The following IGF2BP3 variants were observed in gnomAD, a reference collection of about 807,000 sequenced individuals.
IGF2BP3 encodes insulin like growth factor 2 mRNA binding protein 3.
In IGF2BP3, 9 loss-of-function variants were observed where a neutral mutation model predicts 73.8. The ratio of observed to expected loss-of-function variants is 0.12; its 90% CI spans 0.07 to 0.21. The LOEUF (loss-of-function observed/expected upper bound fraction) is 0.21, where lower values mean the gene tolerates loss of function less well. IGF2BP3 is among the 10% of genes least tolerant of loss of function. The pLI is 1.00. For synonymous variants in IGF2BP3, 258 were observed against 256.7 expected, an observed-to-expected ratio of 1.01 and a Z score of -0.05; for missense variants, 542 against 714.0, an observed-to-expected ratio of 0.76 and a Z score of 2.75.
At chr7:23,379,515 A>T in intron 3 of IGF2BP3, among the ~76,000 whole-genome samples, 1 of 152,176 alleles carries the variant, frequency 6.6e-6, no homozygotes, top group East Asian at 1.9e-4. Context: ...ATTCTCAAGT[A>T]ATTTTAAAGG....
chr7:23,364,323 G>A (rs1163623118), intron 3 of IGF2BP3, among the ~76,000 whole-genome samples: 2 of 151,782 alleles, frequency 1.3e-5, no homozygotes, highest in Non-Finnish European at 2.9e-5. Context: ...GCAGTGGGCT[G>A]AGATCGTGCC....
At chr7:23,428,053 G>GT (rs1211054196) in intron 2 of IGF2BP3, among the ~76,000 whole-genome samples, 3 of 151,984 alleles carry the variant, frequency 2.0e-5, no homozygotes, top group African/African-American at 7.2e-5. Context: ...GCACGCACCT[G>GT]TAATCCCAGC....
At chr7:23,340,020 T>C (rs1784668123) in intron 10 of IGF2BP3, among the ~76,000 whole-genome samples, 4 of 152,160 alleles carry the variant, frequency 2.6e-5, no homozygotes, top group South Asian at 4.1e-4. Flanking sequence ...TAGACACAAT[T>C]CTTATAGTTC....
At chr7:23,427,254 C>CA (rs1214878098) in intron 2 of IGF2BP3, among the ~76,000 whole-genome samples, 2 of 151,942 alleles carry the variant, frequency 1.3e-5, no homozygotes, top group African/African-American at 4.8e-5. Flanking sequence ...CAGGAAGCTC[C>CA]AATTTTTCAG....
intron 3 of IGF2BP3, chr7:23,413,411 G>T (rs1347745473): frequency 1.3e-5 from 2 of 152,044 alleles, no homozygotes; most frequent in African/African-American, 2.4e-5. Context: ...AACCCAGGAG[G>T]CGGAGGTTGC....
chr7:23,376,574 A>G (rs958546025), intron 3 of IGF2BP3, among the ~76,000 whole-genome samples: 1 of 149,396 alleles, frequency 6.7e-6, no homozygotes, highest in African/African-American at 2.4e-5. Flanking sequence ...AAAGAAAGAA[A>G]AAGCCTTGAG....
chr7:23,391,508 G>C (rs1786277593), intron 3 of IGF2BP3, among the ~76,000 whole-genome samples: 1 of 152,124 alleles, frequency 6.6e-6, no homozygotes, highest in Non-Finnish European at 1.5e-5. Context: ...CAGCTGTAAT[G>C]GGTTTAGACA....
rs1484420540 is a variant in IGF2BP3 at position 23,343,628 on chromosome 7, T to C, written c.1077+90A>G. The stretch of plus-strand genomic sequence containing the variant: ...CAACTAGAACTACTTCTAGTGATAA[T>C]GCCACAAAAGAATTCAATATTAATG... On this transcript the variant is annotated intron_variant, in intron 9 of 14. Coordinates refer to ENST00000258729, the MANE Select transcript of IGF2BP3 (RefSeq NM_006547.3). 3 of 1,264,918 alleles carry C rather than the reference T, an allele frequency of 2.4e-6. No individual in the cohort carries two copies. The East Asian group carries it at 6.9e-5, about 29-fold the overall frequency. The allele number at this position is 1,264,918 out of a possible 1,614,324, so 78.4% of individuals were successfully genotyped here.
In IGF2BP3 at chr7:23,357,850, G is replaced by GT. The variant is rs142658495; in HGVS notation, c.401+3683dup. ...TAAGTTCTGTCTTAAAGATACAGCC[G>GT]TATTTGAGGACTCTTCTTAAGTGAC... On this transcript the variant is annotated intron_variant, in intron 5 of 14. Coordinates refer to ENST00000258729, the MANE Select transcript of IGF2BP3 (RefSeq NM_006547.3). Among the ~76,000 whole-genome samples, 564 of 152,290 alleles carry GT rather than the reference G, an allele frequency of 3.7e-3. 14 individuals are homozygous for GT. The East Asian group carries it at 0.069, about 19-fold the overall frequency.
At chr7:23,363,703 A>G (rs1412427374) in intron 3 of IGF2BP3, among the ~76,000 whole-genome samples, 1 of 152,190 alleles carries the variant, frequency 6.6e-6, no homozygotes, top group Non-Finnish European at 1.5e-5. Context: ...TTTGTCTCTG[A>G]TTATAGCTAT....
At chr7:23,433,194 C>T (rs774937108) in intron 2 of IGF2BP3, among the ~76,000 whole-genome samples, 1 of 152,158 alleles carries the variant, frequency 6.6e-6, no homozygotes, top group Non-Finnish European at 1.5e-5. Flanking sequence ...TATTCCCATA[C>T]TTTTCCATAG....
Position 23,430,826 on chromosome 7 carries a change from T to C in IGF2BP3, c.237-12002A>G, listed in dbSNP as rs142258211. Among the ~76,000 whole-genome samples the C allele has an allele frequency of 5.2e-4, 79 of 152,288 alleles. No individual in the cohort carries two copies. The East Asian group carries it at 0.014, about 28-fold the overall frequency. ...ATCTTTCTTACATCATTTCCTTAGG[T>C]AAAGTTGTAACACGCTCAAAGGCTT... On this transcript the variant is annotated intron_variant, in intron 2 of 14. Transcript: ENST00000258729.
intron 2 of IGF2BP3, among the ~76,000 whole-genome samples, chr7:23,467,152 T>C (rs1788584134): frequency 6.6e-6 from 1 of 152,178 alleles, no homozygotes; most frequent in South Asian, 2.1e-4. Flanking sequence ...CTCAAATCCC[T>C]TTCAATTATC....
At chr7:23,418,864 T>A (rs1282946085) in intron 2 of IGF2BP3, 40 bp from the exon 3 acceptor site, 3 of 1,378,758 alleles carry the variant, frequency 2.2e-6, no homozygotes, top group Admixed American at 2.0e-5. Context: ...GAAAAAAACA[T>A]AAAAGCAAAA....
At chr7:23,438,534 C>CT (rs1448544489) in intron 2 of IGF2BP3, among the ~76,000 whole-genome samples, 1 of 128,448 alleles carries the variant, frequency 7.8e-6, no homozygotes, top group Non-Finnish European at 1.7e-5. Flanking sequence ...AGTACACTAA[C>CT]TGACAAAAGA....
chr7:23,321,490 T>C (rs1227960795), intron 10 of IGF2BP3, among the ~76,000 whole-genome samples: 8 of 152,118 alleles, frequency 5.3e-5, no homozygotes, highest in Non-Finnish European at 1.2e-4. Flanking sequence ...GCAGCGAGGC[T>C]GGGGGAGGGG....
In IGF2BP3 at chr7:23,470,279, G is replaced by C. The variant is rs980399458; in HGVS notation, c.-169C>G. 1.5e-5 allele frequency: 8 copies of C among 519,872 alleles called. No individual in the cohort carries two copies. Among genetic ancestry groups the C allele is most frequent in the African/African-American group, 9.8e-5 (5 of 51,220 alleles). The allele number at this position is 519,872 out of a possible 1,614,324, so 32.2% of individuals were successfully genotyped here. On this transcript the variant is annotated 5_prime_UTR_variant, in exon 1 of 15. Coordinates refer to ENST00000258729, the MANE Select transcript of IGF2BP3 (RefSeq NM_006547.3). ...GAACGAGGAGTGAAAAATCAGATCC[G>C]AGGCTTGTTTTTTCCTTGTCTAGAT...
At chr7:23,352,265 TTCTC>T (rs1363219291) in intron 5 of IGF2BP3, among the ~76,000 whole-genome samples, 6 of 150,344 alleles carry the variant, frequency 4.0e-5, no homozygotes, top group African/African-American at 9.8e-5. Context: ...GGGGGAGAGT[TTCTC>T]TCTTTTTCAT....
intron 2 of IGF2BP3, among the ~76,000 whole-genome samples, chr7:23,420,026 A>C (rs1649528915): frequency 6.6e-6 from 1 of 152,182 alleles, no homozygotes; most frequent in African/African-American, 2.4e-5. Flanking sequence ...CATATAACAC[A>C]ACTGCATGTT....
Sources: gnomAD v4.1 joint callset for allele counts (sites outside exome capture counted in the v4.1 genomes callset) on GRCh38, gnomAD v4.1.1 for gene constraint, MANE v1.5 for transcripts, NCBI Gene and HGNC (gene_info 2026-07-23, HGNC 2026-07-21) for gene names.